PLEKHH1: variants seen among roughly 807,000 people sequenced by gnomAD.
PLEKHH1 encodes pleckstrin homology, MyTH4 and FERM domain containing H1.
PLEKHH1 carries 104 observed loss-of-function variants against 160.0 expected under a neutral mutation model. The observed-to-expected ratio is 0.65, with a 90% CI of 0.55 to 0.76. The LOEUF (loss-of-function observed/expected upper bound fraction) is 0.76. PLEKHH1 is among the 30% of genes least tolerant of loss of function. The probability of loss-of-function intolerance (pLI) is 0.00; values close to 1 mark genes in which losing one functional copy is unlikely to be tolerated. For synonymous variants in PLEKHH1, 619 were observed against 678.4 expected (o/e 0.91, Z 1.36); for missense variants, 1,427 against 1,724.1 (o/e 0.83, Z 3.05).
In PLEKHH1 at chr14:67,576,597, A is replaced by T. The variant is rs532679718; in HGVS notation, c.2461+94A>T. The T allele has an allele frequency of 3.4e-5, 22 of 655,830 alleles. No individual in the cohort carries two copies. In the Admixed American group the frequency reaches 5.2e-4, roughly 15 times the overall value. 40.6% of individuals were successfully genotyped at this position (655,830 alleles called of 1,614,324 possible). On this transcript the variant is annotated intron_variant, in intron 17 of 28. Transcript: ENST00000329153. The surrounding 1 kb of genome is among the most constrained non-coding windows in gnomAD (Gnocchi z 4.0). ...CAAAGAAAGCAGTGTTGTACCCTGA[A>T]GCTGTTTTTAAAACATCTAAGCCAC...
intron 2 of PLEKHH1, among the ~76,000 whole-genome samples, chr14:67,548,449 G>C (rs1254666017): frequency 6.6e-6 from 1 of 152,224 alleles, no homozygotes; most frequent in East Asian, 1.9e-4. Context: ...TGTAATCCCA[G>C]CACTTTGGGA....
rs59589798 is a variant in PLEKHH1 at position 67,569,872 on chromosome 14, T to C, written c.1343-49T>C. 1.8e-3 allele frequency: 2,184 copies of C among 1,237,776 alleles called. 44 individuals carry two copies. In the African/African-American group the frequency reaches 0.028, roughly 16 times the overall value. 76.7% of individuals were successfully genotyped at this position (1,237,776 alleles called of 1,614,324 possible). A position where few individuals can be genotyped will look rare whatever the true frequency, so the allele number is the denominator to read the frequency against. ...CAGTTCTCTGCTTCCCCCACACCCCTTCCTGGGTTATGCCCTTGAGTAATC... is the reference window on the plus strand; with the variant it reads ...CAGTTCTCTGCTTCCCCCACACCCCCTCCTGGGTTATGCCCTTGAGTAATC... On this transcript the variant is annotated intron_variant, in intron 8 of 28. Coordinates refer to ENST00000329153, the MANE Select transcript of PLEKHH1 (RefSeq NM_020715.3).
At chr14:67,565,209 A>G (rs1242633802) in intron 7 of PLEKHH1, among the ~76,000 whole-genome samples, 1 of 151,914 alleles carries the variant, frequency 6.6e-6, no homozygotes, top group Admixed American at 6.6e-5. Context: ...TACTTGCCCA[A>G]GGTCATGTAG....
rs1250328026 is a variant in PLEKHH1 at position 67,574,453 on chromosome 14, G to A, written c.2088+50G>A. 3.8e-5 allele frequency: 54 copies of A among 1,403,038 alleles called. No individual in the cohort carries two copies. The highest frequency in any genetic ancestry group is 5.1e-5 in the Non-Finnish European group (54 of 1,064,736). 86.9% of individuals were successfully genotyped at this position (1,403,038 alleles called of 1,614,324 possible). On this transcript the variant is annotated intron_variant, in intron 14 of 28. Transcript: ENST00000329153. This position sits in a 1 kb window ranked among gnomAD's most constrained non-coding sequence, Gnocchi z 4.2. ...GGAACATGTGCCTCCTGCGAATCAG[G>A]GGAGCCAGGATTGGGGTGCCGAGGG...
intron 28 of PLEKHH1, chr14:67,586,686 TG>T (rs2036179335): frequency 1.0e-5 from 6 of 587,726 alleles, no homozygotes; most frequent in Non-Finnish European, 1.3e-5. Flanking sequence ...CTGGAAACCC[TG>T]TTGTTCTCCT....
Position 67,562,778 on chromosome 14 carries a change from C to T in PLEKHH1, c.1147C>T (p.Pro383Ser), listed in dbSNP as rs2034902443. 1.2e-6 allele frequency: 2 copies of T among 1,613,740 alleles called. No homozygotes were observed. Among genetic ancestry groups the T allele is most frequent in the Non-Finnish European group, 8.5e-7 (1 of 1,179,766 alleles). ...AGAGAAGATGGAGATGGAGGAGCCA[C>T]CCCCAGCAGGGAAGAATGAGGAAAG... ...EPEKMEMEEP[P>S]PAGKNEERES... The change falls in exon 7 of 29, where the codon CCC (proline) becomes TCC (serine). Residue 383 changes from proline to serine, a missense_variant. By Grantham distance (74) the Pro-to-Ser change is moderately conservative. This residue lies in a region of PLEKHH1 where 831 missense variants were observed against 929.2 expected (regional missense o/e 0.89). Coordinates refer to ENST00000329153, the MANE Select transcript of PLEKHH1 (RefSeq NM_020715.3).
At position 67,579,094 on chromosome 14, in the gene PLEKHH1, T is replaced by A; in HGVS notation, c.2850-40T>A. ...ATCCGGGGTGCCAAAGTGGCAGAGA[T>A]GAGCAGAGCCCATAATACTCCCCTC... On this transcript the variant is annotated intron_variant, in intron 20 of 28. Transcript: ENST00000329153. 3 of 1,445,530 alleles carry A rather than the reference T, an allele frequency of 2.1e-6. No homozygotes were observed. In the South Asian group the frequency reaches 3.5e-5, roughly 17 times the overall value. The allele number at this position is 1,445,530 out of a possible 1,614,324, so 89.5% of individuals were successfully genotyped here.
chr14:67,559,783 C>T, intron 5 of PLEKHH1, 92 bp downstream of exon 5: 2 of 760,484 alleles, frequency 2.6e-6, no homozygotes, highest in Non-Finnish European at 4.6e-6. Context: ...GTCTAGGGTG[C>T]CTCGGCTGAC....
chr14:67,550,092 C>T (rs150063069), intron 2 of PLEKHH1, among the ~76,000 whole-genome samples: 28 of 149,808 alleles, frequency 1.9e-4, no homozygotes, highest in African/African-American at 6.6e-4. Context: ...TTCCCAGCTC[C>T]GTATTTGTGT....
intron 11 of PLEKHH1, 103 bp downstream of exon 11, chr14:67,572,380 T>C (rs1440643563): frequency 5.9e-5 from 22 of 375,848 alleles, no homozygotes; most frequent in Middle Eastern, 5.4e-4. Context: ...AAGTGAGGGG[T>C]CCCTAGAGCT....
chr14:67,539,920 G>A (rs935372915), intron 1 of PLEKHH1, among the ~76,000 whole-genome samples: 21 of 152,168 alleles, frequency 1.4e-4, no homozygotes, highest in African/African-American at 5.1e-4. Context: ...ATAGCTACTT[G>A]TAGTGTATGA....
intron 26 of PLEKHH1, among the ~76,000 whole-genome samples, chr14:67,584,672 C>A (rs1465173997): frequency 6.6e-6 from 1 of 152,190 alleles, no homozygotes; most frequent in Admixed American, 6.5e-5. Context: ...GCCATTCATT[C>A]ATTCAACAAA....
At chr14:67,572,065 C>T (rs1293997603) in intron 10 of PLEKHH1, 70 bp from the exon 11 acceptor site, 2 of 1,534,996 alleles carry the variant, frequency 1.3e-6, no homozygotes, top group Middle Eastern at 1.7e-4. Context: ...GGTCAAGTCT[C>T]AGCAGCTCCT....
chr14:67,566,399 T>C, intron 7 of PLEKHH1, among the ~76,000 whole-genome samples: 1 of 152,136 alleles, frequency 6.6e-6, no homozygotes, highest in East Asian at 1.9e-4. Context: ...GAGAGAAGCG[T>C]TGCTCACTTT....
At position 67,578,337 on chromosome 14, in the gene PLEKHH1, T is replaced by C. The variant is rs1275621633; in HGVS notation, c.2751+138T>C. The C allele has an allele frequency of 2.6e-5, 21 of 810,620 alleles. No individual in the cohort carries two copies. Among genetic ancestry groups the C allele is most frequent in the Non-Finnish European group, 2.2e-5 (11 of 495,804 alleles). 50.2% of individuals were successfully genotyped at this position (810,620 alleles called of 1,614,324 possible). On this transcript the variant is annotated intron_variant, in intron 19 of 28. Coordinates refer to ENST00000329153, the MANE Select transcript of PLEKHH1 (RefSeq NM_020715.3). The surrounding 1 kb of genome is among the most constrained non-coding windows in gnomAD (Gnocchi z 5.0). The stretch of plus-strand genomic sequence containing the variant: ...GCCTCTGTGCTCCAAGCTGCATCAG[T>C]ACGGCTGAGCTGTCTATGCACAGAT...
chr14:67,586,130 T>C lies in PLEKHH1; in HGVS notation c.3933+33T>C, dbSNP rs201733033. 6.7e-5 allele frequency: 108 copies of C among 1,610,082 alleles called. No homozygotes were observed. In the African/African-American group the frequency reaches 1.3e-3, roughly 20 times the overall value. On this transcript the variant is annotated intron_variant, in intron 28 of 28. Transcript: ENST00000329153. ...TGACAGCTGTTAAAACGTTCTACTC[T>C]GGCAAGATGTGGTGGGCTTGGAGCT... is the stretch of plus-strand genomic sequence containing the variant.
intron 4 of PLEKHH1, among the ~76,000 whole-genome samples, chr14:67,558,965 G>C (rs1221482579): frequency 6.6e-6 from 1 of 152,244 alleles, no homozygotes; most frequent in African/African-American, 2.4e-5. Flanking sequence ...GCAAGCAGGT[G>C]GAGGACTGGA....
At chr14:67,571,457 T>C (rs2035369957) in intron 9 of PLEKHH1, 1 of 331,010 alleles carries the variant, frequency 3.0e-6, no homozygotes, top group Admixed American at 3.9e-5. Context: ...TGGTGTAGCT[T>C]TCTGGCCCCC....
chr14:67,581,105 C>T, intron 23 of PLEKHH1, 67 bp downstream of exon 23: 1 of 969,780 alleles, frequency 1.0e-6, no homozygotes, highest in Non-Finnish European at 1.7e-6. Flanking sequence ...CTCATCGCCT[C>T]CTCGACTAGA....
Sources: gnomAD v4.1 joint callset for allele counts (sites outside exome capture counted in the v4.1 genomes callset) on GRCh38, gnomAD v4.1.1 for gene constraint, gnomAD v4.1.1 regional missense constraint, Gnocchi (gnomAD v3.1) non-coding constraint, MANE v1.5 for transcripts, NCBI Gene and HGNC (gene_info 2026-07-23, HGNC 2026-07-21) for gene names.